The following AVEN variants were observed in gnomAD, a reference collection of about 807,000 sequenced individuals.
AVEN encodes apoptosis and caspase activation inhibitor.
In AVEN, 41 loss-of-function variants were observed where a neutral mutation model predicts 38.1. That is an observed-to-expected ratio of 1.08 (90% CI 0.84 to 1.40). The LOEUF (loss-of-function observed/expected upper bound fraction) is 1.40. AVEN is among the 40% of genes most tolerant of loss of function. The pLI, the probability that AVEN is intolerant of heterozygous loss-of-function variation, is 0.00. For synonymous variants in AVEN, 206 were observed against 171.8 expected, an observed-to-expected ratio of 1.20 and a Z score of -1.56; for missense variants, 605 against 438.8, an observed-to-expected ratio of 1.38 and a Z score of -3.38.
At chr15:34,029,526 A>C (rs879526442) in intron 1 of AVEN, among the ~76,000 whole-genome samples, 19,708 of 120,930 alleles carry the variant, frequency 0.16, 1,669 homozygotes, top group Middle Eastern at 0.3. Context: ...ACAAAAAAAA[A>C]AAAAAAAAAA....
chr15:33,859,315 TTA>T (rs2080083749), intron 11 of AVEN, among the ~76,000 whole-genome samples: 1 of 152,246 alleles, frequency 6.6e-6, no homozygotes, highest in African/African-American at 2.4e-5. Flanking sequence ...ATCTTTTAAC[TTA>T]TATACACCTT....
chr15:33,919,962 C>G (rs1893328550), intron 2 of AVEN, among the ~76,000 whole-genome samples: 1 of 152,126 alleles, frequency 6.6e-6, no homozygotes, highest in South Asian at 2.1e-4. Context: ...TCCCAGTATG[C>G]CTACTCTTTA....
chr15:34,061,498 C>A (rs1900335405), intron 5 of AVEN, among the ~76,000 whole-genome samples: 1 of 151,990 alleles, frequency 6.6e-6, no homozygotes. Flanking sequence ...TTAGTATATG[C>A]ATAGGGGAAA....
intron 2 of AVEN, among the ~76,000 whole-genome samples, chr15:33,933,484 C>A (rs1893925085): frequency 7.0e-6 from 1 of 143,160 alleles, no homozygotes; most frequent in African/African-American, 2.7e-5. Flanking sequence ...GGCCTGGCCT[C>A]CAACAATCAC....
At chr15:33,919,246 C>T (rs1276364455) in intron 2 of AVEN, among the ~76,000 whole-genome samples, 1 of 152,104 alleles carries the variant, frequency 6.6e-6, no homozygotes, top group Admixed American at 6.5e-5. Context: ...ATCTTGCTAA[C>T]ATAAATATTC....
At chr15:33,862,460 G>C (rs763575321), downstream of AVEN, among the ~76,000 whole-genome samples, 15 of 152,100 alleles carry the variant, frequency 9.9e-5, no homozygotes, top group Non-Finnish European at 1.3e-4. Flanking sequence ...ACCCACCTTG[G>C]CCTCCCAGAG....
chr15:34,010,637 A>G (rs951671416), intron 1 of AVEN, among the ~76,000 whole-genome samples: 1 of 152,238 alleles, frequency 6.6e-6, no homozygotes, highest in Non-Finnish European at 1.5e-5. Flanking sequence ...ATTATATCAT[A>G]GAGGTGAATA....
chr15:33,951,512 GT>G (rs1894748297), intron 2 of AVEN, among the ~76,000 whole-genome samples: 1 of 149,592 alleles, frequency 6.7e-6, no homozygotes, highest in South Asian at 2.1e-4. Flanking sequence ...GTATACATAT[GT>G]AACAAACCTG....
chr15:33,993,153 G>A (rs1448969020), intron 2 of AVEN, among the ~76,000 whole-genome samples: 1 of 151,920 alleles, frequency 6.6e-6, no homozygotes, highest in Non-Finnish European at 1.5e-5. Context: ...TTGACTTTTG[G>A]GGAAAAAAAA....
intron 2 of AVEN, among the ~76,000 whole-genome samples, chr15:33,939,408 C>G (rs1170760615): frequency 6.6e-6 from 1 of 152,126 alleles, no homozygotes; most frequent in East Asian, 1.9e-4. Flanking sequence ...ACACGTACAA[C>G]TGAAGAAAAT....
At chr15:33,903,713 G>T (rs935569733) in intron 2 of AVEN, among the ~76,000 whole-genome samples, 35 of 152,044 alleles carry the variant, frequency 2.3e-4, no homozygotes, top group African/African-American at 8.4e-4. Flanking sequence ...AGAAAACATG[G>T]TATATATAAA....
chr15:34,040,898 TAA>T (rs60454298), upstream of AVEN, among the ~76,000 whole-genome samples: 172 of 144,868 alleles, frequency 1.2e-3, no homozygotes, highest in African/African-American at 1.7e-3. Flanking sequence ...GGAGACTGTC[TAA>T]AAAAAAAAAA....
chr15:34,024,935 C>T (rs1414226512), intron 1 of AVEN, among the ~76,000 whole-genome samples: 1 of 151,736 alleles, frequency 6.6e-6, no homozygotes, highest in Non-Finnish European at 1.5e-5. Flanking sequence ...GTAATCCTAG[C>T]ACTTTGGGAG....
chr15:33,888,754 T>A (rs562201942), intron 2 of AVEN, among the ~76,000 whole-genome samples: 1 of 151,788 alleles, frequency 6.6e-6, no homozygotes, highest in Non-Finnish European at 1.5e-5. Flanking sequence ...AATTCTTTTT[T>A]TGTGTGTGTG....
At chr15:33,975,824 G>C (rs1895860492) in intron 2 of AVEN, among the ~76,000 whole-genome samples, 1 of 152,146 alleles carries the variant, frequency 6.6e-6, no homozygotes, top group African/African-American at 2.4e-5. Flanking sequence ...CAGCTACTCG[G>C]GAGGCTGAGG....
chr15:33,955,737 T>C (rs1894929279), intron 2 of AVEN, among the ~76,000 whole-genome samples: 3 of 152,250 alleles, frequency 2.0e-5, no homozygotes, highest in African/African-American at 2.4e-5. Context: ...TAATAGTTAA[T>C]CTCTCTCCGA....
At chr15:33,868,587 G>C (rs1324085392) in intron 4 of AVEN, among the ~76,000 whole-genome samples, 1 of 144,774 alleles carries the variant, frequency 6.9e-6, no homozygotes, top group Non-Finnish European at 1.5e-5. Context: ...GAAGTAATTA[G>C]CAAATCAGAT....
At chr15:34,072,112 G>A (rs932655417) in intron 1 of AVEN, among the ~76,000 whole-genome samples, 1 of 151,264 alleles carries the variant, frequency 6.6e-6, no homozygotes, top group Admixed American at 6.6e-5. Flanking sequence ...CCAAAAAAAA[G>A]TTTTTAATTA....
At chr15:33,934,841 G>C (rs1024384248) in intron 2 of AVEN, among the ~76,000 whole-genome samples, 1 of 152,230 alleles carries the variant, frequency 6.6e-6, no homozygotes, top group Non-Finnish European at 1.5e-5. Context: ...CCTTGAGGAA[G>C]TTGTCTGCCT....
Sources: allele counts gnomAD v4.1 joint callset (sites outside exome capture counted in the v4.1 genomes callset), GRCh38; gene constraint gnomAD v4.1.1; transcripts MANE v1.5; gene names NCBI Gene and HGNC (gene_info 2026-07-23, HGNC 2026-07-21).